Variants in NDEL1 observed in about 807,000 individuals in gnomAD.
NDEL1 encodes nudE neurodevelopment protein 1 like 1.
Under a neutral mutation model 45.7 loss-of-function variants are expected in NDEL1, and 9 were observed. The ratio of observed to expected loss-of-function variants is 0.20; its 90% confidence interval spans 0.12 to 0.34. The LOEUF is 0.34. Ranked by LOEUF, NDEL1 falls within the 10% of genes least tolerant of loss-of-function variation. The probability of loss-of-function intolerance (pLI) is 1.00; values close to 1 mark genes in which losing one functional copy is unlikely to be tolerated. For missense variants in NDEL1, 306 were observed against 406.2 expected, an observed-to-expected ratio of 0.75 and a Z score of 2.12; for synonymous variants, 133 against 158.6, an observed-to-expected ratio of 0.84 and a Z score of 1.21.
At chr17:8,458,695 A>T (rs952870788) in intron 7 of NDEL1, among the ~76,000 whole-genome samples, 16 of 152,056 alleles carry the variant, frequency 1.1e-4, no homozygotes, top group Non-Finnish European at 2.4e-4. Context: ...GTCATAGGAA[A>T]GAAGGAGAAG....
At chr17:8,459,204 G>A (rs545753897) in intron 7 of NDEL1, among the ~76,000 whole-genome samples, 2 of 152,262 alleles carry the variant, frequency 1.3e-5, no homozygotes, top group East Asian at 3.9e-4. Context: ...GCCATGGATA[G>A]TATTTTTCTT....
At chr17:8,443,641 A>G (rs1909901993) in intron 1 of NDEL1, among the ~76,000 whole-genome samples, 1 of 152,136 alleles carries the variant, frequency 6.6e-6, no homozygotes, top group Non-Finnish European at 1.5e-5. Context: ...TCCTCTCTGA[A>G]TGCCTTGGGA....
At chr17:8,428,970 G>GC (rs1908936651) in intron 1 of NDEL1, among the ~76,000 whole-genome samples, 1 of 152,176 alleles carries the variant, frequency 6.6e-6, no homozygotes, top group South Asian at 2.1e-4. Context: ...ACCGCGCCCG[G>GC]CCTATTTTTA....
Position 8,465,328 on chromosome 17 carries a change from C to CA in NDEL1, c.945-1597dup, listed in dbSNP as rs1911509716. On this transcript the variant is annotated intron_variant, in intron 8 of 8. Transcript: ENST00000334527. This position sits in a 1 kb window ranked among gnomAD's most constrained non-coding sequence, Gnocchi z 4.9. ...TCAAACTTGCAAATGTGTTGAAGCT[C>CA]AAAAATCAGACCTAACCCAGTGAGG... The CA allele has an allele frequency of 6.6e-6, 1 of 152,198 alleles. No individual in the cohort carries two copies. The highest frequency in any genetic ancestry group is 2.1e-4 in the South Asian group (1 of 4,822). 9.4% of individuals were successfully genotyped at this position (152,198 alleles called of 1,614,324 possible).
intron 1 of NDEL1, among the ~76,000 whole-genome samples, chr17:8,415,651 T>C (rs1322377150): frequency 6.6e-6 from 1 of 152,046 alleles, no homozygotes; most frequent in Non-Finnish European, 1.5e-5. Flanking sequence ...GCCTAGGCTG[T>C]TCTGGAACTC....
chr17:8,436,108 G>A (rs777982647), intron 1 of NDEL1, 63 bp downstream of exon 1: 125 of 307,886 alleles, frequency 4.1e-4, no homozygotes, highest in Non-Finnish European at 7.1e-4. Context: ...GCCGAGGCCT[G>A]CCCTTGGGGA....
At chr17:8,469,936 G>A (rs1035300148), downstream of NDEL1, among the ~76,000 whole-genome samples, 2 of 139,752 alleles carry the variant, frequency 1.4e-5, no homozygotes, top group Admixed American at 7.8e-5. Context: ...TTGAACTCTT[G>A]ACCTCAGGTA....
chr17:8,435,097 A>G (rs1009640711), upstream of NDEL1, among the ~76,000 whole-genome samples: 1 of 151,980 alleles, frequency 6.6e-6, no homozygotes, highest in African/African-American at 2.4e-5. Context: ...ACAAACAAAC[A>G]AAAACCAAGA....
chr17:8,445,595 A>G, intron 2 of NDEL1, 116 bp from the exon 3 acceptor site: 1 of 1,066,196 alleles, frequency 9.4e-7, no homozygotes, highest in Middle Eastern at 2.4e-4. Context: ...TCTTTAGTAT[A>G]TTTTATGAGA....
intron 1 of NDEL1, among the ~76,000 whole-genome samples, chr17:8,423,137 T>C (rs1597512471): frequency 6.6e-6 from 1 of 152,192 alleles, no homozygotes; most frequent in African/African-American, 2.4e-5. Context: ...TATTTTATCA[T>C]ATTAAGTTTT....
intron 1 of NDEL1, among the ~76,000 whole-genome samples, chr17:8,419,181 A>G (rs185377593): frequency 6.6e-6 from 1 of 152,284 alleles, no homozygotes; most frequent in East Asian, 1.9e-4. Flanking sequence ...ATGCAGTCTC[A>G]GAGCAGACTT....
At chr17:8,437,001 A>G (rs1259225467) in intron 1 of NDEL1, among the ~76,000 whole-genome samples, 1 of 152,342 alleles carries the variant, frequency 6.6e-6, no homozygotes, top group South Asian at 2.1e-4. Flanking sequence ...GTGACTTGCC[A>G]AAGATATGCC....
intron 3 of NDEL1, among the ~76,000 whole-genome samples, chr17:8,473,723 T>C (rs1286233539): frequency 6.6e-6 from 1 of 152,180 alleles, no homozygotes; most frequent in Non-Finnish European, 1.5e-5. Context: ...CGGAGAATAT[T>C]ATGGAACAAG....
chr17:8,428,948 C>T (rs1346357258), intron 1 of NDEL1, among the ~76,000 whole-genome samples: 1 of 152,316 alleles, frequency 6.6e-6, no homozygotes, highest in African/African-American at 2.4e-5. Context: ...GCTGGGATTA[C>T]AGGCATGAGC....
intron 1 of NDEL1, among the ~76,000 whole-genome samples, chr17:8,418,599 C>T (rs934563684): frequency 1.3e-5 from 2 of 151,852 alleles, no homozygotes; most frequent in Non-Finnish European, 2.9e-5. Context: ...TAATGTATGG[C>T]CAGCTCTATA....
intron 2 of NDEL1, 24 bp from the exon 3 acceptor site, chr17:8,445,687 C>T: frequency 6.3e-7 from 1 of 1,585,458 alleles, no homozygotes; most frequent in Non-Finnish European, 8.5e-7. Flanking sequence ...TGTAACTCGT[C>T]TTTCCCACTT....
intron 8 of NDEL1, among the ~76,000 whole-genome samples, chr17:8,463,511 T>C (rs1567744044): frequency 6.6e-6 from 1 of 152,258 alleles, no homozygotes; most frequent in Non-Finnish European, 1.5e-5. Context: ...CCTGTTCGAC[T>C]TGACTGTATG....
chr17:8,431,426 C>G (rs1466099692), upstream of NDEL1: 1 of 152,186 alleles, frequency 6.6e-6, no homozygotes, highest in Non-Finnish European at 1.5e-5. Flanking sequence ...ACAATGGAAG[C>G]AATAATCACA....
chr17:8,446,683 ACTTGAGTTAC>A, intron 3 of NDEL1, 61 bp from the exon 4 acceptor site: 1 of 1,524,902 alleles, frequency 6.6e-7, no homozygotes, highest in South Asian at 1.2e-5. Context: ...CACCCTTTTA[ACTTGAGTTAC>A]CTCTTTAGTA....
Sources: allele counts gnomAD v4.1 joint callset (sites outside exome capture counted in the v4.1 genomes callset), GRCh38; gene constraint gnomAD v4.1.1; non-coding constraint Gnocchi (gnomAD v3.1); transcripts MANE v1.5; gene names NCBI Gene and HGNC (gene_info 2026-07-23, HGNC 2026-07-21).